ACYP2: variants seen among roughly 807,000 people sequenced by gnomAD.
The protein encoded by ACYP2 is acylphosphatase-2.
ACYP2 carries 12 observed loss-of-function variants against 11.2 expected under a neutral mutation model. That is an observed-to-expected ratio of 1.08 (90% CI 0.69 to 1.74). The LOEUF is 1.74. ACYP2 is among the 40% of genes most tolerant of loss of function. ACYP2 has a pLI of 0.00. For missense variants in ACYP2, 134 were observed against 101.9 expected, an observed-to-expected ratio of 1.31 and a Z score of -1.35; for synonymous variants, 43 against 32.2, an observed-to-expected ratio of 1.33 and a Z score of -1.13.
At chr2:54,163,700 C>T (rs373386145) in intron 6 of ACYP2, among the ~76,000 whole-genome samples, 5 of 151,978 alleles carry the variant, frequency 3.3e-5, no homozygotes, top group Admixed American at 6.6e-5. Context: ...ACTAAAAATA[C>T]AAAAAATTAG....
intron 6 of ACYP2, among the ~76,000 whole-genome samples, chr2:54,249,433 T>TC (rs1687108423): frequency 2.0e-5 from 2 of 100,722 alleles, no homozygotes; most frequent in Admixed American, 1.9e-4. Flanking sequence ...AGACTCCGTC[T>TC]CAAAAAAAAA....
At chr2:54,280,378 G>A (rs568196901) in intron 6 of ACYP2, among the ~76,000 whole-genome samples, 16 of 152,130 alleles carry the variant, frequency 1.1e-4, no homozygotes, top group African/African-American at 3.4e-4. Flanking sequence ...GGTGGGAAGG[G>A]GGCATGGAGG....
chr2:54,252,773 G>C (rs531473960), intron 6 of ACYP2, among the ~76,000 whole-genome samples: 2 of 151,746 alleles, frequency 1.3e-5, no homozygotes, highest in Admixed American at 1.3e-4. Flanking sequence ...GCGTGGTTGC[G>C]GGCACCTGTA....
chr2:54,223,321 A>G (rs1385756314), intron 6 of ACYP2, among the ~76,000 whole-genome samples: 1 of 152,260 alleles, frequency 6.6e-6, no homozygotes, highest in Non-Finnish European at 1.5e-5. Flanking sequence ...TAGATTAGAA[A>G]TAAGATACTT....
intron 2 of ACYP2, among the ~76,000 whole-genome samples, chr2:54,022,915 G>A (rs1257762244): frequency 2.6e-5 from 4 of 152,014 alleles, no homozygotes; most frequent in South Asian, 4.1e-4. Context: ...TATTTTTCAC[G>A]ACTTTCCAAT....
chr2:54,096,484 C>A (rs1678589802), intron 4 of ACYP2, among the ~76,000 whole-genome samples: 1 of 152,076 alleles, frequency 6.6e-6, no homozygotes. Context: ...AGGCAGGCGG[C>A]TGGGAGGTGG....
chr2:54,019,757 T>G (rs2104544950), intron 2 of ACYP2, among the ~76,000 whole-genome samples: 1 of 152,074 alleles, frequency 6.6e-6, no homozygotes, highest in African/African-American at 2.4e-5. Flanking sequence ...GTAGCTGGGA[T>G]TACAAGCATG....
chr2:54,277,286 C>G (rs78987820), intron 6 of ACYP2, among the ~76,000 whole-genome samples: 15,746 of 152,202 alleles, frequency 0.1, 1,002 homozygotes, highest in East Asian at 0.21. Flanking sequence ...CTTTTCCCTC[C>G]TAGGAGACAG....
chr2:54,000,434 A>G (rs1424240826), intron 2 of ACYP2, among the ~76,000 whole-genome samples: 3 of 152,234 alleles, frequency 2.0e-5, no homozygotes, highest in Admixed American at 6.5e-5. Context: ...CTTAATTACA[A>G]GACGTTAAAT....
chr2:54,044,792 T>A (rs538982380), intron 2 of ACYP2, among the ~76,000 whole-genome samples: 1 of 152,208 alleles, frequency 6.6e-6, no homozygotes, highest in East Asian at 1.9e-4. Flanking sequence ...TGCCATGTTT[T>A]ATGCTAGAAA....
At position 54,158,200 on chromosome 2, in the gene ACYP2, T is replaced by G. The variant is rs539249006; in HGVS notation, c.404+19452T>G. On this transcript the variant is annotated intron_variant, in intron 6 of 6. Coordinates refer to ENST00000607452, the MANE Select transcript of ACYP2 (RefSeq NM_001320586.2). The stretch of plus-strand genomic sequence containing the variant: ...ACCACCACGCCCAGTTAACTTTGTT[T>G]TTTTTTTTTTTTTGTATTTTTAGTA... 7.3e-5 allele frequency among the ~76,000 whole-genome samples: 10 copies of G among 137,212 alleles called. No homozygotes were observed. In the East Asian group the frequency reaches 2.2e-3, roughly 30 times the overall value. The allele number at this position is 137,212 out of a possible 152,430, so 90.0% of individuals were successfully genotyped here. A position where few individuals can be genotyped will look rare whatever the true frequency, so the allele number is the denominator to read the frequency against.
At chr2:54,123,137 A>C (rs1482502383) in intron 4 of ACYP2, 1 of 382,002 alleles carries the variant, frequency 2.6e-6, no homozygotes, top group South Asian at 1.5e-4. Context: ...GAGTCACTGC[A>C]TGTCCCTGTG....
At position 54,235,286 on chromosome 2, in the gene ACYP2, T is replaced by A. The variant is rs188301272; in HGVS notation, c.405-69402T>A. Among the ~76,000 whole-genome samples, 760 of 152,226 alleles carry A rather than the reference T, an allele frequency of 5.0e-3. 6 individuals are homozygous for A. Among genetic ancestry groups the A allele is most frequent in the African/African-American group, 0.018 (734 of 41,534 alleles). On this transcript the variant is annotated intron_variant, in intron 6 of 6. Coordinates refer to ENST00000607452, the MANE Select transcript of ACYP2 (RefSeq NM_001320586.2). Reference sequence around the variant, plus strand: ...GAATTTATATAAGACAGGTTTTTTTTTTTAATTAAGTTTTGGTTTGAATCA... The same window carrying A: ...GAATTTATATAAGACAGGTTTTTTTATTTAATTAAGTTTTGGTTTGAATCA...
intron 4 of ACYP2, among the ~76,000 whole-genome samples, chr2:54,066,303 C>T (rs1676743393): frequency 6.6e-6 from 1 of 152,192 alleles, no homozygotes; most frequent in African/African-American, 2.4e-5. Flanking sequence ...CCATTTAAGA[C>T]ATGCCTTGCT....
rs1422827936 is a variant in ACYP2 at position 54,004,856 on chromosome 2, C to G, written c.62+31046C>G. Reference sequence around the variant, plus strand: ...GTTGCAGTGAGCCGAGATCTCACCACTGCACTCCAGCCTGGGCAACAGTGC... The same window carrying G: ...GTTGCAGTGAGCCGAGATCTCACCAGTGCACTCCAGCCTGGGCAACAGTGC... On this transcript the variant is annotated intron_variant, in intron 2 of 6. Coordinates refer to ENST00000607452, the MANE Select transcript of ACYP2 (RefSeq NM_001320586.2). 1.4e-5 allele frequency among the ~76,000 whole-genome samples: 2 copies of G among 145,146 alleles called. 1 individual carries two copies.
chr2:54,163,156 T>A (rs542556241), intron 6 of ACYP2, among the ~76,000 whole-genome samples: 1 of 152,320 alleles, frequency 6.6e-6, no homozygotes, highest in East Asian at 1.9e-4. Context: ...GGATTTTGCT[T>A]GTCCCCGGAT....
rs776863816 is a variant in ACYP2 at position 54,138,633 on chromosome 2, A to C, written c.295-6A>C. The C allele has an allele frequency of 6.8e-6, 11 of 1,605,946 alleles. No homozygotes were observed. The South Asian group carries it at 7.8e-5, about 11-fold the overall frequency. On this transcript the variant is annotated splice_polypyrimidine_tract_variant and splice_region_variant and intron_variant, in intron 5 of 6. Coordinates refer to ENST00000607452, the MANE Select transcript of ACYP2 (RefSeq NM_001320586.2). ...ACTTTATTCTTCTTGTTTTTTCCTGAAACAGTATACAGAAGATGAAGCTAG... is the reference window on the plus strand; with the variant it reads ...ACTTTATTCTTCTTGTTTTTTCCTGCAACAGTATACAGAAGATGAAGCTAG...
chr2:54,143,318 T>C (rs1681702831), intron 6 of ACYP2: 2 of 152,348 alleles, frequency 1.3e-5, no homozygotes, highest in South Asian at 4.1e-4. Flanking sequence ...TTCCTTGAAT[T>C]AGCCTTTGAT....
chr2:54,118,835 A>G (rs1572796035), intron 4 of ACYP2, among the ~76,000 whole-genome samples: 1 of 152,212 alleles, frequency 6.6e-6, no homozygotes, highest in South Asian at 2.1e-4. Flanking sequence ...CAAACTCACC[A>G]TCACATATTT....
Sources: gnomAD v4.1 joint callset for allele counts (sites outside exome capture counted in the v4.1 genomes callset) on GRCh38, gnomAD v4.1.1 for gene constraint, MANE v1.5 for transcripts, NCBI Gene and HGNC (gene_info 2026-07-23, HGNC 2026-07-21) for gene names.